NTM: variants seen among roughly 807,000 people sequenced by gnomAD.
NTM encodes IgLON family member 2.
A neutral mutation model predicts 42.1 loss-of-function variants in NTM; 13 were observed. The observed-to-expected ratio is 0.31, with a 90% CI of 0.20 to 0.49. The LOEUF is 0.49. NTM is among the 20% of genes least tolerant of loss of function. NTM has a pLI of 0.99. For synonymous variants in NTM, 187 were observed against 179.2 expected (o/e 1.04, Z -0.35); for missense variants, 373 against 452.8 (o/e 0.82, Z 1.60).
At chr11:132,033,736 T>C (rs2076193531) in intron 2 of NTM, among the ~76,000 whole-genome samples, 1 of 152,230 alleles carries the variant, frequency 6.6e-6, no homozygotes, top group South Asian at 2.1e-4. Context: ...TAATTGGCTG[T>C]GGTATGGTCC....
chr11:131,489,468 G>C (rs1265910528), intron 1 of NTM, among the ~76,000 whole-genome samples: 1 of 152,124 alleles, frequency 6.6e-6, no homozygotes, highest in African/African-American at 2.4e-5. Flanking sequence ...CTAACCTCTC[G>C]CTACTTTGCG....
At chr11:131,649,776 A>G (rs1240707505) in intron 1 of NTM, among the ~76,000 whole-genome samples, 1 of 152,050 alleles carries the variant, frequency 6.6e-6, no homozygotes, top group African/African-American at 2.4e-5. Context: ...AATAACCAAT[A>G]ATTTTGTGCT....
At chr11:131,403,615 C>T (rs930503902) in intron 1 of NTM, among the ~76,000 whole-genome samples, 1 of 152,160 alleles carries the variant, frequency 6.6e-6, no homozygotes, top group Non-Finnish European at 1.5e-5. Context: ...TTTACTACTG[C>T]CCAGGAATCC....
chr11:132,275,271 C>CCT, intron 4 of NTM, among the ~76,000 whole-genome samples: 1 of 152,096 alleles, frequency 6.6e-6, no homozygotes, highest in African/African-American at 2.4e-5. Flanking sequence ...ATCCAGTCAT[C>CCT]CTAGAACGTG....
In NTM at chr11:132,212,134, C is replaced by T. The variant is rs1435654987; in HGVS notation, c.513C>T (p.His171=). Residue 171 remains histidine, a synonymous_variant, in exon 4 of 9, where the codon CAC becomes CAT. Coordinates refer to ENST00000683400, the MANE Select transcript of NTM (RefSeq NM_001352005.2). ...GRPEPTVTWR[H]ISPKAVGFVS... is the part of the protein sequence containing the mutation. ...CAGAGCCTACGGTTACTTGGAGACA[C>T]ATCTCTCCCAAAGGTAAGAGAACAG... 6.2e-7 allele frequency: 1 copy of T among 1,612,478 alleles called. No individual in the cohort carries two copies. The highest frequency in any genetic ancestry group is 2.2e-5 in the East Asian group (1 of 44,848).
At position 131,767,154 on chromosome 11, in the gene NTM, G is replaced by A. The variant is rs149199697; in HGVS notation, c.83-144410G>A. On this transcript the variant is annotated intron_variant, in intron 1 of 8. Transcript: ENST00000683400. ...TCAACAGTTCAGGCTCCAGATTCCC[G>A]ATTTACTAAATTCTCAAAGACAAAT... The A allele has an allele frequency of 2.5e-4, 246 of 977,214 alleles. No homozygotes were observed. The African/African-American group carries it at 3.3e-3, about 13-fold the overall frequency. The allele number at this position is 977,214 out of a possible 1,614,324, so 60.5% of individuals were successfully genotyped here. A position where few individuals can be genotyped will look rare whatever the true frequency, so the allele number is the denominator to read the frequency against.
intron 1 of NTM, among the ~76,000 whole-genome samples, chr11:131,735,062 C>T (rs1460782321): frequency 6.6e-6 from 1 of 152,170 alleles, no homozygotes; most frequent in African/African-American, 2.4e-5. Context: ...GCCTTTTTGC[C>T]ACTGAGGTCT....
intron 1 of NTM, among the ~76,000 whole-genome samples, chr11:131,550,572 C>G (rs1029018095): frequency 6.6e-6 from 1 of 152,212 alleles, no homozygotes; most frequent in Non-Finnish European, 1.5e-5. Flanking sequence ...CCTTCGCCTT[C>G]TGCCATGATT....
intron 1 of NTM, among the ~76,000 whole-genome samples, chr11:131,690,515 C>G (rs1198908990): frequency 6.6e-6 from 1 of 152,214 alleles, no homozygotes; most frequent in Non-Finnish European, 1.5e-5. Context: ...CACGGCAGAA[C>G]CCAAGCACCC....
At chr11:132,314,815 C>A in intron 7 of NTM, 112 bp downstream of exon 7, 13 of 1,376,176 alleles carry the variant, frequency 9.4e-6, no homozygotes, top group South Asian at 5.8e-5. Context: ...TATCAGTGGA[C>A]ATGGAGAGGG....
rs192107910 is a variant in NTM at position 131,459,714 on chromosome 11, C to T, written c.82+88826C>T. 1.4e-4 allele frequency among the ~76,000 whole-genome samples: 21 copies of T among 152,278 alleles called. No individual in the cohort carries two copies. The East Asian group carries it at 2.5e-3, about 18-fold the overall frequency. ...GGTGAATTTGTACCTAGTTGAATGA[C>T]AGTCCTGATAGTGTTGAGTAGTGGG... On this transcript the variant is annotated intron_variant, in intron 1 of 8. Coordinates refer to ENST00000683400, the MANE Select transcript of NTM (RefSeq NM_001352005.2).
intron 4 of NTM, among the ~76,000 whole-genome samples, chr11:132,231,762 G>A (rs970945955): frequency 6.6e-6 from 1 of 152,164 alleles, no homozygotes; most frequent in Non-Finnish European, 1.5e-5. Context: ...GCCCAGTGAC[G>A]AGCCTCCTTC....
chr11:132,126,185 A>G (rs2065808180), intron 2 of NTM, among the ~76,000 whole-genome samples: 1 of 152,112 alleles, frequency 6.6e-6, no homozygotes, highest in Non-Finnish European at 1.5e-5. Flanking sequence ...TCTTTGCAGA[A>G]GAAAAGTCTG....
intron 1 of NTM, among the ~76,000 whole-genome samples, chr11:131,864,159 G>A (rs1273499271): frequency 6.6e-6 from 1 of 152,188 alleles, no homozygotes; most frequent in African/African-American, 2.4e-5. Context: ...ATCTAATTTA[G>A]GATGTTATAT....
chr11:131,539,899 C>G (rs1000787155), intron 1 of NTM, among the ~76,000 whole-genome samples: 2 of 152,150 alleles, frequency 1.3e-5, no homozygotes, highest in African/African-American at 4.8e-5. Context: ...GGGAAAAACT[C>G]ATCTCTGTTT....
intron 4 of NTM, among the ~76,000 whole-genome samples, chr11:132,228,817 C>A (rs1165016749): frequency 6.6e-6 from 1 of 152,134 alleles, no homozygotes; most frequent in Non-Finnish European, 1.5e-5. Context: ...TTGGGTCACT[C>A]AGGTGTTGTC....
intron 4 of NTM, among the ~76,000 whole-genome samples, chr11:132,214,460 C>T (rs1335647546): frequency 1.3e-5 from 2 of 152,150 alleles, no homozygotes; most frequent in Non-Finnish European, 2.9e-5. Context: ...ACTTCTCCTG[C>T]ATGCGTCTCC....
At chr11:131,683,361 G>A (rs565982969) in intron 1 of NTM, among the ~76,000 whole-genome samples, 14 of 152,244 alleles carry the variant, frequency 9.2e-5, no homozygotes, top group Non-Finnish European at 1.9e-4. Context: ...TGTGCAGGGT[G>A]CACGGGAGGA....
intron 4 of NTM, among the ~76,000 whole-genome samples, chr11:132,220,111 T>A (rs1333380415): frequency 6.6e-6 from 1 of 152,154 alleles, no homozygotes; most frequent in East Asian, 1.9e-4. Flanking sequence ...AATAATTGCA[T>A]CATAATGGAA....
Sources: allele counts gnomAD v4.1 joint callset (sites outside exome capture counted in the v4.1 genomes callset), GRCh38; gene constraint gnomAD v4.1.1; transcripts MANE v1.5; gene names NCBI Gene and HGNC (gene_info 2026-07-23, HGNC 2026-07-21).